Variants in ZBTB7A observed in about 807,000 individuals in gnomAD.
ZBTB7A encodes zinc finger and BTB domain-containing protein 7A.
A neutral mutation model predicts 26.7 loss-of-function variants in ZBTB7A; 7 were observed. The observed-to-expected ratio is 0.26, with a 90% CI of 0.15 to 0.49. ZBTB7A has a LOEUF of 0.49. Ranked by LOEUF, ZBTB7A falls within the 20% of genes least tolerant of loss-of-function variation. The pLI is 0.98. For synonymous variants in ZBTB7A, 452 were observed against 441.0 expected (o/e 1.02, Z -0.31); for missense variants, 617 against 919.5 (o/e 0.67, Z 4.25).
rs772567458 is a variant in ZBTB7A at position 4,054,325 on chromosome 19, C to G, written c.908G>C (p.Gly303Ala). The G allele has an allele frequency of 2.4e-5, 36 of 1,515,428 alleles. No individual in the cohort carries two copies. The highest frequency in any genetic ancestry group is 6.1e-6 in the Non-Finnish European group (7 of 1,139,114). 93.9% of individuals were successfully genotyped at this position (1,515,428 alleles called of 1,614,324 possible). A position where few individuals can be genotyped will look rare whatever the true frequency, so the allele number is the denominator to read the frequency against. ...SPGFLSGAAEGEDGDGPDVDG... is the reference protein window; with the variant it reads ...SPGFLSGAAEAEDGDGPDVDG... ...CACGTCGGGCCCGTCCCCGTCCTCGCCCTCGGCCGCTCCCGACAGGAAGCC... is the reference window on the plus strand; with the variant it reads ...CACGTCGGGCCCGTCCCCGTCCTCGGCCTCGGCCGCTCCCGACAGGAAGCC... Residue 303 changes from glycine (G) to alanine (A), a missense_variant, in exon 2 of 3, where the codon GGC becomes GCC. By Grantham distance (60) the Gly-to-Ala change is moderately conservative. Around this residue, in one of 5 missense-constraint regions of ZBTB7A, gnomAD observed 331 missense variants for 391.3 expected, o/e 0.85. Coordinates refer to ENST00000322357, the MANE Select transcript of ZBTB7A (RefSeq NM_015898.4).
At chr19:4,057,907 G>A (rs1410534486) in intron 1 of ZBTB7A, among the ~76,000 whole-genome samples, 1 of 152,142 alleles carries the variant, frequency 6.6e-6, no homozygotes, top group African/African-American at 2.4e-5. Context: ...CCCACCATGA[G>A]GACACAGTTG....
At chr19:4,050,425 C>T (rs778165758) in intron 2 of ZBTB7A, among the ~76,000 whole-genome samples, 5 of 152,200 alleles carry the variant, frequency 3.3e-5, no homozygotes, top group South Asian at 2.1e-4. Flanking sequence ...TTGTGAGCCC[C>T]GAGAAGGCAG....
intron 1 of ZBTB7A, among the ~76,000 whole-genome samples, chr19:4,064,826 C>A (rs938412536): frequency 6.6e-6 from 1 of 152,156 alleles, no homozygotes; most frequent in Non-Finnish European, 1.5e-5. Flanking sequence ...TGCTGCCTCC[C>A]CCCGCCTCGC....
chr19:4,058,044 A>T (rs73534153), intron 1 of ZBTB7A, among the ~76,000 whole-genome samples: 13,523 of 152,200 alleles, frequency 0.089, 1,999 homozygotes, highest in African/African-American at 0.31. Flanking sequence ...GGGGTGTGGC[A>T]GCCCAGGCAC....
chr19:4,064,970 C>A (rs913761535), intron 1 of ZBTB7A, among the ~76,000 whole-genome samples: 3 of 151,994 alleles, frequency 2.0e-5, no homozygotes, highest in South Asian at 2.1e-4. Context: ...CTCCCAGAAC[C>A]CGCAGAGGCC....
chr19:4,054,039 C>G lies in ZBTB7A; in HGVS notation c.1194G>C (p.Pro398=), dbSNP rs768233972. Residue 398 remains proline (P), a synonymous_variant, in exon 2 of 3, where the codon CCG becomes CCC. Coordinates refer to ENST00000322357, the MANE Select transcript of ZBTB7A (RefSeq NM_015898.4). ...CGCCCGTGTGGGTGCGGATGTGTCGCGGCAGCTTGCCGGCGCCCTGGATGA... is the reference window on the plus strand; with the variant it reads ...CGCCCGTGTGGGTGCGGATGTGTCGGGGCAGCTTGCCGGCGCCCTGGATGA... The part of the protein sequence containing the change: ...EKVIQGAGKL[P]RHIRTHTGEK... 2 of 1,612,294 alleles carry G rather than the reference C, an allele frequency of 1.2e-6. No individual in the cohort carries two copies. Among genetic ancestry groups the G allele is most frequent in the Admixed American group, 1.7e-5 (1 of 59,998 alleles).
Position 4,047,805 on chromosome 19 carries a change from C to A in ZBTB7A, c.1702G>T (p.Gly568Ter). ...TCGGTGGCGGCCCCGGGGCCACCTC[C>A]GCTGTCACCTCCTCCACCGGCGCCC... ...VAGAGGGGDS[G>*]GGPGAATDGN... is the part of the protein sequence containing the mutation. The change falls in exon 3 of 3, where the codon GGA becomes TGA. Residue 568 changes from glycine to a stop codon, truncating the protein, a stop_gained. Coordinates refer to ENST00000322357, the MANE Select transcript of ZBTB7A (RefSeq NM_015898.4). LOFTEE classifies it high-confidence loss of function. The A allele has an allele frequency of 6.2e-7, 1 of 1,603,512 alleles. No individual in the cohort carries two copies. The highest frequency in any genetic ancestry group is 1.7e-5 in the Admixed American group (1 of 58,782).
intron 1 of ZBTB7A, among the ~76,000 whole-genome samples, chr19:4,057,776 G>A (rs1304409871): frequency 6.4e-5 from 8 of 124,946 alleles, no homozygotes; most frequent in Non-Finnish European, 1.1e-4. Context: ...AGCGAGACTC[G>A]TCTCCAAAAA....
intron 1 of ZBTB7A, among the ~76,000 whole-genome samples, chr19:4,066,010 C>G (rs545350688): frequency 6.7e-6 from 1 of 148,810 alleles, no homozygotes; most frequent in African/African-American, 2.4e-5. Context: ...CGCCCCTACC[C>G]GCAGGCCGCG....
intron 2 of ZBTB7A, among the ~76,000 whole-genome samples, chr19:4,053,725 C>T (rs73534138): frequency 0.026 from 3,891 of 150,488 alleles, 169 homozygotes; most frequent in African/African-American, 0.092. Flanking sequence ...ACGTGGCATA[C>T]GCGTCTGTGC....
At chr19:4,056,490 G>A (rs113722699) in intron 1 of ZBTB7A, among the ~76,000 whole-genome samples, 3,851 of 152,282 alleles carry the variant, frequency 0.025, 166 homozygotes, top group African/African-American at 0.089. Flanking sequence ...TTTTGGGGAG[G>A]CTGAGGTGGG....
intron 1 of ZBTB7A, among the ~76,000 whole-genome samples, chr19:4,058,976 G>T (rs1323629971): frequency 6.6e-6 from 1 of 152,206 alleles, no homozygotes; most frequent in Non-Finnish European, 1.5e-5. Context: ...AGATGTGGCT[G>T]CTGGGAGCAG....
chr19:4,060,053 G>T (rs1026623586), intron 1 of ZBTB7A, among the ~76,000 whole-genome samples: 1 of 151,980 alleles, frequency 6.6e-6, no homozygotes, highest in Non-Finnish European at 1.5e-5. Context: ...CCCACCCGGG[G>T]CCCCATCTTT....
At chr19:4,065,072 G>A (rs957926195) in intron 1 of ZBTB7A, among the ~76,000 whole-genome samples, 8 of 151,730 alleles carry the variant, frequency 5.3e-5, no homozygotes, top group Non-Finnish European at 1.2e-4. Flanking sequence ...CCGGGAGGTA[G>A]GGAGCGGGAG....
chr19:4,058,462 G>A (rs543501635), intron 1 of ZBTB7A, among the ~76,000 whole-genome samples: 187 of 148,496 alleles, frequency 1.3e-3, no homozygotes, highest in Middle Eastern at 3.4e-3. Flanking sequence ...CCTTCCCCTC[G>A]GCTGTGACTC....
chr19:4,059,944 C>T (rs536160593), intron 1 of ZBTB7A, among the ~76,000 whole-genome samples: 5 of 152,312 alleles, frequency 3.3e-5, no homozygotes, highest in Admixed American at 6.5e-5. Flanking sequence ...TACACGCCTC[C>T]GGAGGTGGCG....
chr19:4,060,984 G>C (rs1396684787), intron 1 of ZBTB7A, among the ~76,000 whole-genome samples: 3 of 152,172 alleles, frequency 2.0e-5, no homozygotes, highest in Non-Finnish European at 4.4e-5. Flanking sequence ...CCTCCAAGCT[G>C]TGTGACCTTG....
Position 4,046,587 on chromosome 19 carries a change from T to C in ZBTB7A, c.*1165A>G, listed in dbSNP as rs2040422505. Reference sequence around the variant, plus strand: ...TGGTTGGTTGCCTTTTTTTTTTTCCTTCCTTTCATTTTGTAAAACCTTTTT... The same window carrying C: ...TGGTTGGTTGCCTTTTTTTTTTTCCCTCCTTTCATTTTGTAAAACCTTTTT... On this transcript the variant is annotated 3_prime_UTR_variant, in exon 3 of 3. Coordinates refer to ENST00000322357, the MANE Select transcript of ZBTB7A (RefSeq NM_015898.4). 6.6e-6 allele frequency: 1 copy of C among 150,428 alleles called. No homozygotes were observed. Among genetic ancestry groups the C allele is most frequent in the Non-Finnish European group, 1.5e-5 (1 of 67,580 alleles). 9.3% of individuals were successfully genotyped at this position (150,428 alleles called of 1,614,324 possible).
chr19:4,060,558 G>A (rs1384489841), intron 1 of ZBTB7A, among the ~76,000 whole-genome samples: 7 of 152,226 alleles, frequency 4.6e-5, no homozygotes, highest in African/African-American at 4.8e-5. Flanking sequence ...TCCCAGCTGC[G>A]GGGGATGTGT....
Sources: gnomAD v4.1 joint callset for allele counts (sites outside exome capture counted in the v4.1 genomes callset) on GRCh38, gnomAD v4.1.1 for gene constraint, gnomAD v4.1.1 regional missense constraint, MANE v1.5 for transcripts, NCBI Gene and HGNC (gene_info 2026-07-23, HGNC 2026-07-21) for gene names.